The following PDE5A variants were observed in gnomAD, a reference collection of about 807,000 sequenced individuals.
PDE5A encodes cGMP-specific 3',5'-cyclic phosphodiesterase.
PDE5A carries 67 observed loss-of-function variants against 110.2 expected under a neutral mutation model. The observed-to-expected ratio is 0.61, with a 90% CI of 0.50 to 0.75. PDE5A has a LOEUF of 0.75. Among genes scored for constraint, PDE5A ranks in the 30% least tolerant of loss-of-function variants. The pLI is 0.00. For synonymous variants in PDE5A, 328 were observed against 351.2 expected (o/e 0.93, Z 0.74); for missense variants, 862 against 1,045.1 (o/e 0.82, Z 2.42).
At chr4:119,557,603 A>G (rs149957430) in intron 7 of PDE5A, among the ~76,000 whole-genome samples, 43 of 152,342 alleles carry the variant, frequency 2.8e-4, no homozygotes, top group African/African-American at 1.0e-3. Flanking sequence ...TCAAAGAGAC[A>G]TGGAAATAAT....
chr4:119,598,906 A>T lies in PDE5A; in HGVS notation c.742-2294T>A, dbSNP rs181080724. On this transcript the variant is annotated intron_variant, in intron 2 of 20. Coordinates refer to ENST00000354960, the MANE Select transcript of PDE5A (RefSeq NM_001083.4). ...TACTGAGTTTCTAGTCACTTTGGGC[A>T]TGTATAGGGCAAAAAACCTAAAGGA... Among the ~76,000 whole-genome samples, 482 of 152,296 alleles carry T rather than the reference A, an allele frequency of 3.2e-3. 10 individuals are homozygous for T. The highest frequency in any genetic ancestry group is 0.029 in the Admixed American group (451 of 15,296).
At chr4:119,547,836 T>G (rs1021399400) in intron 9 of PDE5A, among the ~76,000 whole-genome samples, 2 of 152,080 alleles carry the variant, frequency 1.3e-5, no homozygotes, top group Non-Finnish European at 2.9e-5. Flanking sequence ...CGACTGACTT[T>G]ATGTTGCATA....
chr4:119,496,244 TATAA>T lies in PDE5A; in HGVS notation c.*2353_*2356del, dbSNP rs1287878435. ...AGAACTTCTTGCTAGTTATGGGTAA[TATAA>T]ATACAGAGTAAGGTGAAGGAGGACT... On this transcript the variant is annotated 3_prime_UTR_variant, in exon 21 of 21. Transcript: ENST00000354960. The T allele has an allele frequency of 6.6e-6, 1 of 152,136 alleles. No homozygotes were observed. The highest frequency in any genetic ancestry group is 1.5e-5 in the Non-Finnish European group (1 of 68,028). The allele number at this position is 152,136 out of a possible 1,614,324, so 9.4% of individuals were successfully genotyped here. A position where few individuals can be genotyped will look rare whatever the true frequency, so the allele number is the denominator to read the frequency against.
intron 3 of PDE5A, among the ~76,000 whole-genome samples, chr4:119,570,066 A>C (rs1728088365): frequency 6.6e-6 from 1 of 152,192 alleles, no homozygotes; most frequent in South Asian, 2.1e-4. Flanking sequence ...ACTGATAAAA[A>C]CAGACAAAAA....
rs1405998950 is a variant in PDE5A, at chr4:119,571,767, AT to A, written c.832-4624del. ...TTATTTTTCTTCTTCTCCTCACCTC[AT>A]TTTATCTCTTCTGTTTCACTATGTA... On this transcript the variant is annotated intron_variant, in intron 3 of 20. Transcript: ENST00000354960. 2.6e-5 allele frequency among the ~76,000 whole-genome samples: 4 copies of A among 152,158 alleles called. No homozygotes were observed. The East Asian group carries it at 7.7e-4, about 29-fold the overall frequency.
chr4:119,531,331 T>C (rs993853060), intron 11 of PDE5A, among the ~76,000 whole-genome samples: 1 of 152,136 alleles, frequency 6.6e-6, no homozygotes, highest in Non-Finnish European at 1.5e-5. Context: ...CAGACTGGAG[T>C]GCAGTGGCAC....
intron 9 of PDE5A, 114 bp from the exon 10 acceptor site, chr4:119,542,748 A>G (rs2110487221): frequency 1.1e-6 from 1 of 908,538 alleles, no homozygotes; most frequent in South Asian, 1.7e-5. Flanking sequence ...AATGCTTAGT[A>G]TGTCGAAATA....
chr4:119,612,894 CCTT>C (rs1342955071), intron 1 of PDE5A, among the ~76,000 whole-genome samples: 4 of 152,172 alleles, frequency 2.6e-5, no homozygotes, highest in Admixed American at 2.0e-4. Flanking sequence ...GTTGGAGAAT[CCTT>C]CTACTATTAC....
At chr4:119,617,156 C>T (rs4833620) in intron 1 of PDE5A, among the ~76,000 whole-genome samples, 20,571 of 152,014 alleles carry the variant, frequency 0.14, 1,478 homozygotes, top group Non-Finnish European at 0.15. Flanking sequence ...TCCAATTTAT[C>T]GCTTCCACTC....
rs773616153 is a variant in PDE5A at position 119,501,115 on chromosome 4, G to A, written c.2490+55C>T. On this transcript the variant is annotated intron_variant, in intron 20 of 20. Coordinates refer to ENST00000354960, the MANE Select transcript of PDE5A (RefSeq NM_001083.4). ...CTAATATTAATCTCTTCAATTTTAG[G>A]TTCTAATTCACAACAGTCCAAGTTT... The A allele has an allele frequency of 1.2e-5, 13 of 1,051,828 alleles. No individual in the cohort carries two copies. The Middle Eastern group carries it at 6.3e-4, about 51-fold the overall frequency. 65.2% of individuals were successfully genotyped at this position (1,051,828 alleles called of 1,614,324 possible).
chr4:119,544,099 T>G (rs181347410), intron 9 of PDE5A, among the ~76,000 whole-genome samples: 2,155 of 152,338 alleles, frequency 0.014, 21 homozygotes, highest in South Asian at 0.045. Flanking sequence ...TAGTCTATTA[T>G]CCTTTATTTT....
In PDE5A at chr4:119,618,304, G is replaced by GT. The variant is rs558891075; in HGVS notation, c.152+10215dup. 2.4e-3 allele frequency among the ~76,000 whole-genome samples: 364 copies of GT among 151,936 alleles called. 1 individual carries two copies. The highest frequency in any genetic ancestry group is 3.3e-3 in the Non-Finnish European group (226 of 67,930). On this transcript the variant is annotated intron_variant, in intron 1 of 20. Coordinates refer to ENST00000354960, the MANE Select transcript of PDE5A (RefSeq NM_001083.4). Reference sequence around the variant, plus strand: ...ATTTTTTAAACTGATTAAGTTTTTGGTTTTTTTAAATAAAGAAAAATTATT... The same window carrying GT: ...ATTTTTTAAACTGATTAAGTTTTTGGTTTTTTTTAAATAAAGAAAAATTATT...
At position 119,584,738 on chromosome 4, in the gene PDE5A, G is replaced by C. The variant is rs866217680; in HGVS notation, c.831+11785C>G. On this transcript the variant is annotated intron_variant, in intron 3 of 20. Transcript: ENST00000354960. ...GAAGGCTCTGCTTGATCTTGCCTCT[G>C]TCTACCTGTCTGACCTCATTTCCAG... Among the ~76,000 whole-genome samples, 4 of 152,216 alleles carry C rather than the reference G, an allele frequency of 2.6e-5. No individual in the cohort carries two copies. The South Asian group carries it at 8.3e-4, about 32-fold the overall frequency.
intron 19 of PDE5A, among the ~76,000 whole-genome samples, chr4:119,501,586 A>C (rs1484840622): frequency 6.6e-6 from 1 of 152,206 alleles, no homozygotes; most frequent in Non-Finnish European, 1.5e-5. Flanking sequence ...GGCATGAGCC[A>C]TTGTGTGCAT....
chr4:119,502,458 G>GTTT (rs998092792), intron 19 of PDE5A, 123 bp downstream of exon 19: 4 of 590,438 alleles, frequency 6.8e-6, no homozygotes, highest in African/African-American at 1.9e-5. Flanking sequence ...TGAGAAAAAA[G>GTTT]TTTTAAAAAA....
At chr4:119,558,466 T>C (rs1377069948) in intron 7 of PDE5A, among the ~76,000 whole-genome samples, 2 of 152,170 alleles carry the variant, frequency 1.3e-5, no homozygotes, top group Non-Finnish European at 2.9e-5. Context: ...AAAGTTTGGA[T>C]TGGCAAAGTT....
At chr4:119,519,958 T>A (rs1351810218) in intron 13 of PDE5A, among the ~76,000 whole-genome samples, 1 of 152,126 alleles carries the variant, frequency 6.6e-6, no homozygotes, top group Non-Finnish European at 1.5e-5. Context: ...AAGGAAATAC[T>A]CATTGGAATA....
At chr4:119,503,647 A>G (rs941648261) in intron 18 of PDE5A, among the ~76,000 whole-genome samples, 4 of 152,282 alleles carry the variant, frequency 2.6e-5, no homozygotes, top group African/African-American at 7.2e-5. Flanking sequence ...TCTGAAACCT[A>G]AAATGCTGGT....
chr4:119,600,963 C>T (rs762231745), intron 2 of PDE5A, among the ~76,000 whole-genome samples: 2 of 152,186 alleles, frequency 1.3e-5, no homozygotes, highest in Non-Finnish European at 2.9e-5. Context: ...ATCATCAATA[C>T]TTACATCACA....
Sources: gnomAD v4.1 joint callset for allele counts (sites outside exome capture counted in the v4.1 genomes callset) on GRCh38, gnomAD v4.1.1 for gene constraint, MANE v1.5 for transcripts, NCBI Gene and HGNC (gene_info 2026-07-23, HGNC 2026-07-21) for gene names.